The following WDR72 variants were observed in gnomAD, a reference collection of about 807,000 sequenced individuals.
WDR72 encodes WD repeat domain 72, also known as WD repeat-containing protein 72.
Under a neutral mutation model 124.2 loss-of-function variants are expected in WDR72, and 120 were observed. The observed-to-expected ratio is 0.97, with a 90% CI of 0.83 to 1.12. The LOEUF (loss-of-function observed/expected upper bound fraction) is 1.12. WDR72 is among the 50% of genes most tolerant of loss of function. The probability of loss-of-function intolerance (pLI) is 0.00; values close to 1 mark genes in which losing one functional copy is unlikely to be tolerated. For missense variants in WDR72, 1,387 were observed against 1,278.8 expected (o/e 1.08, Z -1.29); for synonymous variants, 452 against 441.7 (o/e 1.02, Z -0.29).
intron 14 of WDR72, among the ~76,000 whole-genome samples, chr15:53,616,602 A>C (rs1401334463): frequency 6.6e-6 from 1 of 151,986 alleles, no homozygotes; most frequent in Non-Finnish European, 1.5e-5. Flanking sequence ...AAAACTGAGG[A>C]GAACAAATGT....
Position 53,615,608 on chromosome 15 carries a change from T to C in WDR72, c.2598A>G (p.Lys866=), listed in dbSNP as rs115484883. ...TGTATTTATCTGACAAGTCCAAAAC[T>C]TTCCTGGAAAATAAATTTACTCCTG... ...DYSGVNLFSR[K]VLDLSDKYTA... is the part of the protein sequence containing the mutation. Residue 866 remains lysine (K), a synonymous_variant, in exon 15 of 20, where the codon AAA becomes AAG. Transcript: ENST00000360509. 1,185 of 1,612,648 alleles carry C rather than the reference T, an allele frequency of 7.3e-4. 9 individuals are homozygous for C. In the African/African-American group the frequency reaches 0.015, roughly 20 times the overall value.
chr15:53,729,670 C>T (rs1197393712), intron 2 of WDR72, among the ~76,000 whole-genome samples: 1 of 152,202 alleles, frequency 6.6e-6, no homozygotes, highest in African/African-American at 2.4e-5. Flanking sequence ...CTTGTCATTG[C>T]CTGTGTTTGC....
intron 1 of WDR72, among the ~76,000 whole-genome samples, chr15:53,745,296 T>C (rs1567061235): frequency 6.6e-6 from 1 of 152,196 alleles, no homozygotes; most frequent in Non-Finnish European, 1.5e-5. Context: ...CACTATAATT[T>C]TGTACTGTGG....
chr15:53,600,273 C>T (rs1489485061), intron 17 of WDR72, among the ~76,000 whole-genome samples: 1 of 151,984 alleles, frequency 6.6e-6, no homozygotes, highest in African/African-American at 2.4e-5. Flanking sequence ...ATAGATTTTA[C>T]AGGTAGTCAA....
intron 15 of WDR72, among the ~76,000 whole-genome samples, 199 bp downstream of exon 15, chr15:53,615,227 G>C (rs1467973259): frequency 2.0e-5 from 3 of 151,804 alleles, no homozygotes; most frequent in African/African-American, 7.3e-5. Context: ...AAATCATATA[G>C]ATTTATTGCC....
chr15:53,630,678 C>T lies in WDR72; in HGVS notation c.1963-14435G>A, dbSNP rs1262600940. 1.3e-5 allele frequency among the ~76,000 whole-genome samples: 2 copies of T among 152,090 alleles called. 1 individual carries two copies. Among genetic ancestry groups the T allele is most frequent in the Non-Finnish European group, 2.9e-5 (2 of 67,970 alleles). ...AAACACAATTTCATAATAAAAAACA[C>T]CCAAGAAACTAGGAATAGAAAAGAA... On this transcript the variant is annotated intron_variant, in intron 14 of 19. Transcript: ENST00000360509.
intron 19 of WDR72, among the ~76,000 whole-genome samples, chr15:53,520,595 T>C (rs1891737965): frequency 6.6e-6 from 1 of 152,034 alleles, no homozygotes; most frequent in South Asian, 2.1e-4. Flanking sequence ...TCTCACCACC[T>C]AAAAACCCCA....
chr15:53,558,466 A>G (rs183806745), intron 18 of WDR72, among the ~76,000 whole-genome samples: 344 of 152,196 alleles, frequency 2.3e-3, no homozygotes, highest in African/African-American at 7.8e-3. Context: ...GACAATTGAA[A>G]CTTCATTAAA....
intron 13 of WDR72, among the ~76,000 whole-genome samples, chr15:53,672,528 A>G (rs2016031916): frequency 6.6e-6 from 1 of 152,190 alleles, no homozygotes; most frequent in Non-Finnish European, 1.5e-5. Context: ...AATAGAGCAA[A>G]TAATCACTTT....
intron 18 of WDR72, among the ~76,000 whole-genome samples, chr15:53,590,691 C>A (rs534468401): frequency 6.6e-6 from 1 of 152,112 alleles, no homozygotes; most frequent in South Asian, 2.1e-4. Flanking sequence ...CCCCGCTCTG[C>A]CACTTGTTGG....
rs767845071 is a variant in WDR72, at chr15:53,722,928, G to A, written c.154-20C>T. 1.3e-5 allele frequency: 20 copies of A among 1,591,630 alleles called. No individual in the cohort carries two copies. In the Admixed American group the frequency reaches 3.3e-4, roughly 27 times the overall value. Reference sequence around the variant, plus strand: ...TGAAATCTGAAAATAATGAGAGTGAGCTTTTAAATAATTGTAAACTGTTTG... The same window carrying A: ...TGAAATCTGAAAATAATGAGAGTGAACTTTTAAATAATTGTAAACTGTTTG... On this transcript the variant is annotated intron_variant, in intron 2 of 19. Transcript: ENST00000360509.
intron 14 of WDR72, among the ~76,000 whole-genome samples, chr15:53,628,609 G>A (rs2014301292): frequency 1.3e-5 from 2 of 152,086 alleles, no homozygotes; most frequent in Non-Finnish European, 2.9e-5. Flanking sequence ...AAAAGGTAGA[G>A]AATATGGTAC....
chr15:53,715,778 T>C (rs541981673), intron 4 of WDR72, among the ~76,000 whole-genome samples: 53 of 152,252 alleles, frequency 3.5e-4, no homozygotes, highest in African/African-American at 1.2e-3. Context: ...TTAGCACCAC[T>C]GTACTTCAGC....
At chr15:53,712,733 T>G (rs746340335) in intron 7 of WDR72, 39 bp downstream of exon 7, 16 of 1,590,366 alleles carry the variant, frequency 1.0e-5, no homozygotes, top group Non-Finnish European at 1.3e-5. Flanking sequence ...AAAATTACAC[T>G]TGTACATCAC....
Position 53,757,311 on chromosome 15 carries a change from TA to T in WDR72, c.-13+2321del, listed in dbSNP as rs550368316. Among the ~76,000 whole-genome samples, 914 of 152,276 alleles carry T rather than the reference TA, an allele frequency of 6.0e-3. 17 individuals are homozygous for T. The highest frequency in any genetic ancestry group is 5.9e-3 in the Non-Finnish European group (399 of 68,022). ...AAAAGGCCTCCAGAAAGGTACCTTTTATGATGTAGCGATAGAATTATTCCTA... is the reference window on the plus strand; with the variant it reads ...AAAAGGCCTCCAGAAAGGTACCTTTTTGATGTAGCGATAGAATTATTCCTA... On this transcript the variant is annotated intron_variant, in intron 1 of 19. Transcript: ENST00000360509.
At chr15:53,531,264 T>C in intron 18 of WDR72, among the ~76,000 whole-genome samples, 1 of 151,954 alleles carries the variant, frequency 6.6e-6, no homozygotes, top group East Asian at 1.9e-4. Context: ...CATGCTTGGA[T>C]GCTAACAAGT....
chr15:53,611,935 T>C (rs2013557206), intron 16 of WDR72, among the ~76,000 whole-genome samples: 1 of 152,132 alleles, frequency 6.6e-6, no homozygotes, highest in Non-Finnish European at 1.5e-5. Flanking sequence ...CTGTGTACTG[T>C]CATTCAGGTC....
intron 18 of WDR72, among the ~76,000 whole-genome samples, chr15:53,529,165 T>TATATATATATATATATATATATATATACA (rs1555404361): frequency 1.1e-5 from 1 of 89,100 alleles, no homozygotes; most frequent in African/African-American, 4.6e-5. Flanking sequence ...TATATATATA[T>TATATATATATATATATATATATATATACA]TTTTTTTTTT....
At chr15:53,547,839 C>T (rs1442483509) in intron 18 of WDR72, among the ~76,000 whole-genome samples, 1 of 151,962 alleles carries the variant, frequency 6.6e-6, no homozygotes, top group East Asian at 1.9e-4. Context: ...ATGCTTAGGG[C>T]ATCTGAAGGA....
Sources: gnomAD v4.1 joint callset for allele counts (sites outside exome capture counted in the v4.1 genomes callset) on GRCh38, gnomAD v4.1.1 for gene constraint, MANE v1.5 for transcripts, NCBI Gene and HGNC (gene_info 2026-07-23, HGNC 2026-07-21) for gene names.